ANO3: variants seen among roughly 807,000 people sequenced by gnomAD.
ANO3 encodes the protein anoctamin-3.
ANO3 carries 99 observed loss-of-function variants against 144.8 expected under a neutral mutation model. The observed-to-expected ratio is 0.68, with a 90% CI of 0.58 to 0.81. The LOEUF is 0.81. Ranked by LOEUF, ANO3 falls within the 30% of genes least tolerant of loss-of-function variation. ANO3 has a pLI of 0.00. For missense variants in ANO3, 905 were observed against 1,202.2 expected (o/e 0.75, Z 3.66); for synonymous variants, 414 against 392.6 (o/e 1.05, Z -0.64).
At chr11:26,329,435 C>A (rs1296158596), upstream of ANO3, among the ~76,000 whole-genome samples, 6 of 152,006 alleles carry the variant, frequency 3.9e-5, no homozygotes, top group Non-Finnish European at 8.8e-5. Flanking sequence ...CCTCTAGCAA[C>A]CTCCCCTAAA....
At chr11:26,393,193 A>G (rs1000445318) in intron 1 of ANO3, among the ~76,000 whole-genome samples, 2 of 152,062 alleles carry the variant, frequency 1.3e-5, no homozygotes, top group Admixed American at 6.6e-5. Context: ...CACTGATCAT[A>G]CTTTGCCACA....
At chr11:26,318,744 G>C (rs1854686993) in intron 1 of ANO3, among the ~76,000 whole-genome samples, 1 of 152,024 alleles carries the variant, frequency 6.6e-6, no homozygotes, top group Non-Finnish European at 1.5e-5. Flanking sequence ...AACAAAAGGA[G>C]GTATTTTGGA....
chr11:26,284,048 G>T (rs1268859182), intron 1 of ANO3, among the ~76,000 whole-genome samples: 1 of 152,068 alleles, frequency 6.6e-6, no homozygotes, highest in Non-Finnish European at 1.5e-5. Flanking sequence ...GTGGTATGGC[G>T]GGAGGAGGGA....
At chr11:26,515,406 T>TTTAG (rs71047858) in intron 5 of ANO3, among the ~76,000 whole-genome samples, 149,996 of 151,770 alleles carry the variant, frequency 0.99, 74,148 homozygotes, top group Middle Eastern at 1. Flanking sequence ...AAACCAAAAC[T>TTTAG]TTAATCATGG....
chr11:26,359,283 T>C (rs1855862573), intron 1 of ANO3, among the ~76,000 whole-genome samples: 1 of 152,204 alleles, frequency 6.6e-6, no homozygotes, highest in African/African-American at 2.4e-5. Context: ...AGGATAGTGC[T>C]CAATCTGGTT....
chr11:26,279,848 T>C (rs1023215247), intron 1 of ANO3, among the ~76,000 whole-genome samples: 2 of 152,174 alleles, frequency 1.3e-5, no homozygotes, highest in African/African-American at 4.8e-5. Flanking sequence ...CTAAACAGAA[T>C]AGGATGGGAG....
At chr11:26,415,271 G>C (rs1011570402) in intron 1 of ANO3, among the ~76,000 whole-genome samples, 1 of 152,024 alleles carries the variant, frequency 6.6e-6, no homozygotes, top group African/African-American at 2.4e-5. Flanking sequence ...CTAAAAACGA[G>C]AGTGCTATTG....
intron 1 of ANO3, among the ~76,000 whole-genome samples, chr11:26,385,670 A>G (rs1429790947): frequency 6.6e-6 from 1 of 152,024 alleles, no homozygotes; most frequent in Non-Finnish European, 1.5e-5. Flanking sequence ...CACTGGGCCT[A>G]TCGGGGTAAT....
chr11:26,323,420 C>G (rs796886458), intron 1 of ANO3, among the ~76,000 whole-genome samples: 24 of 152,154 alleles, frequency 1.6e-4, no homozygotes, highest in African/African-American at 5.8e-4. Flanking sequence ...ATGGATTCTC[C>G]CCCCAGACTT....
At chr11:26,335,366 G>T (rs1298944885) in intron 1 of ANO3, among the ~76,000 whole-genome samples, 1 of 152,018 alleles carries the variant, frequency 6.6e-6, no homozygotes, top group Non-Finnish European at 1.5e-5. Flanking sequence ...TAGTATATTG[G>T]ACTCTTAGCA....
chr11:26,236,285 A>C (rs1273567802), intron 1 of ANO3, among the ~76,000 whole-genome samples: 1 of 152,194 alleles, frequency 6.6e-6, no homozygotes, highest in African/African-American at 2.4e-5. Context: ...GATCAAAATG[A>C]AAATATTAAT....
At chr11:26,511,936 T>C (rs1861680351) in intron 5 of ANO3, among the ~76,000 whole-genome samples, 1 of 152,184 alleles carries the variant, frequency 6.6e-6, no homozygotes. Flanking sequence ...TTGGAAAGAA[T>C]GGCTGCAGTT....
intron 1 of ANO3, among the ~76,000 whole-genome samples, chr11:26,189,672 T>G (rs1375055845): frequency 6.6e-6 from 1 of 152,198 alleles, no homozygotes; most frequent in East Asian, 1.9e-4. Flanking sequence ...ATCTTAACCA[T>G]AAACTGCAAA....
intron 1 of ANO3, among the ~76,000 whole-genome samples, chr11:26,220,451 T>C (rs1180518493): frequency 6.6e-6 from 1 of 152,210 alleles, no homozygotes; most frequent in Non-Finnish European, 1.5e-5. Flanking sequence ...TCTACTCTAC[T>C]TGTGCCTCTA....
At chr11:26,214,551 C>T (rs1851999847) in intron 1 of ANO3, among the ~76,000 whole-genome samples, 1 of 151,876 alleles carries the variant, frequency 6.6e-6, no homozygotes, top group Non-Finnish European at 1.5e-5. Context: ...ATAGTTTGTC[C>T]TCTACTCAAT....
At chr11:26,264,989 T>C (rs1016140397) in intron 1 of ANO3, among the ~76,000 whole-genome samples, 3 of 151,912 alleles carry the variant, frequency 2.0e-5, no homozygotes, top group Non-Finnish European at 4.4e-5. Context: ...TATATTGAAG[T>C]TGGTGGTTTT....
chr11:26,395,818 G>A (rs1321745071), intron 1 of ANO3, among the ~76,000 whole-genome samples: 1 of 152,030 alleles, frequency 6.6e-6, no homozygotes, highest in South Asian at 2.1e-4. Flanking sequence ...AGACTTAAAC[G>A]TAAGACCTAA....
chr11:26,289,130 A>C (rs1030293722), intron 1 of ANO3, among the ~76,000 whole-genome samples: 6 of 152,122 alleles, frequency 3.9e-5, no homozygotes, highest in Non-Finnish European at 5.9e-5. Flanking sequence ...TTCACATTTT[A>C]TCTCTTAATA....
intron 1 of ANO3, among the ~76,000 whole-genome samples, chr11:26,382,847 G>C (rs906643215): frequency 6.6e-6 from 1 of 152,170 alleles, no homozygotes; most frequent in Non-Finnish European, 1.5e-5. Context: ...AGATGTCAAA[G>C]AGTTGTAGCC....
Sources: gnomAD v4.1 joint callset for allele counts (sites outside exome capture counted in the v4.1 genomes callset) on GRCh38, gnomAD v4.1.1 for gene constraint, MANE v1.5 for transcripts, NCBI Gene and HGNC (gene_info 2026-07-23, HGNC 2026-07-21) for gene names.